PALLD: variants seen among roughly 807,000 people sequenced by gnomAD.
The protein encoded by PALLD is palladin.
A neutral mutation model predicts 123.5 loss-of-function variants in PALLD; 61 were observed. The observed-to-expected ratio is 0.49, with a 90% confidence interval of 0.40 to 0.61. The LOEUF (loss-of-function observed/expected upper bound fraction) is 0.61. Among genes scored for constraint, PALLD ranks in the 20% least tolerant of loss-of-function variants. The pLI is 0.00. For missense variants in PALLD, 1,273 were observed against 1,377.0 expected (o/e 0.92, Z 1.20); for synonymous variants, 465 against 496.4 (o/e 0.94, Z 0.84).
At chr4:168,919,855 T>C (rs2126434556) in intron 17 of PALLD, among the ~76,000 whole-genome samples, 1 of 152,304 alleles carries the variant, frequency 6.6e-6, no homozygotes, top group African/African-American at 2.4e-5. Context: ...CCTGAGATCA[T>C]GCTGTCTTTA....
chr4:168,790,799 A>G (rs1322869697), intron 10 of PALLD, among the ~76,000 whole-genome samples: 2 of 152,168 alleles, frequency 1.3e-5, no homozygotes, highest in African/African-American at 4.8e-5. Flanking sequence ...TTATTATCAG[A>G]TAAACTTTTG....
Position 168,926,882 on chromosome 4 carries a change from C to A in PALLD, c.*702C>A. On this transcript the variant is annotated 3_prime_UTR_variant, in exon 22 of 22. Coordinates refer to ENST00000505667, the MANE Select transcript of PALLD (RefSeq NM_001166108.2). ...AAAGAAGAAGAGATGACAAAGAAAT[C>A]CAAGTAAATGCCTTGTCTTTGCAAA... is the stretch of plus-strand genomic sequence containing the variant. 4.5e-6 allele frequency: 1 copy of A among 220,090 alleles called. No individual in the cohort carries two copies. Among genetic ancestry groups the A allele is most frequent in the Non-Finnish European group, 9.1e-6 (1 of 109,566 alleles). 13.6% of individuals were successfully genotyped at this position (220,090 alleles called of 1,614,324 possible).
At chr4:168,749,528 A>G (rs971953802) in intron 10 of PALLD, among the ~76,000 whole-genome samples, 17 of 152,136 alleles carry the variant, frequency 1.1e-4, no homozygotes, top group African/African-American at 4.1e-4. Context: ...CCAACATGGC[A>G]AAACCCCATC....
intron 3 of PALLD, among the ~76,000 whole-genome samples, chr4:168,670,338 C>T (rs187399129): frequency 6.6e-6 from 1 of 152,208 alleles, no homozygotes; most frequent in Admixed American, 6.5e-5. Context: ...TATTAAGATC[C>T]TACTAAGTGC....
In PALLD at chr4:168,508,646, C is replaced by A. The variant is rs1350662623; in HGVS notation, c.-82-2777C>A. ...CACAAAAACTGAATTTCTTTCAGGC[C>A]ATAATAAATAAATAAATAACAAATA... On this transcript the variant is annotated intron_variant, in intron 1 of 21. Coordinates refer to ENST00000505667, the MANE Select transcript of PALLD (RefSeq NM_001166108.2). Among the ~76,000 whole-genome samples the A allele has an allele frequency of 2.0e-5, 3 of 152,126 alleles. No homozygotes were observed. The East Asian group carries it at 5.8e-4, about 29-fold the overall frequency.
chr4:168,640,288 A>G (rs1279841771), intron 2 of PALLD, among the ~76,000 whole-genome samples: 1 of 152,150 alleles, frequency 6.6e-6, no homozygotes, highest in Admixed American at 6.5e-5. Flanking sequence ...GTTCCTGACT[A>G]CTACTCCAAT....
intron 15 of PALLD, among the ~76,000 whole-genome samples, chr4:168,907,708 C>G (rs1218634761): frequency 6.6e-6 from 1 of 152,156 alleles, no homozygotes; most frequent in African/African-American, 2.4e-5. Context: ...CTCTCTGGTT[C>G]TTTGCTCTAC....
At position 168,927,162 on chromosome 4, in the gene PALLD, T is replaced by C. The variant is rs1762673108; in HGVS notation, c.*982T>C. The C allele has an allele frequency of 4.4e-6, 1 of 229,344 alleles. No homozygotes were observed. 14.2% of individuals were successfully genotyped at this position (229,344 alleles called of 1,614,324 possible). A position where few individuals can be genotyped will look rare whatever the true frequency, so the allele number is the denominator to read the frequency against. On this transcript the variant is annotated 3_prime_UTR_variant, in exon 22 of 22. Transcript: ENST00000505667. Reference sequence around the variant, plus strand: ...ACAGAAAGCATCCAAACCACCCAAATGACCAAGGCATATATAGTATTTGGA... The same window carrying C: ...ACAGAAAGCATCCAAACCACCCAAACGACCAAGGCATATATAGTATTTGGA...
intron 10 of PALLD, among the ~76,000 whole-genome samples, chr4:168,761,641 G>GTTTTTTTTTTTTTTTTTTTTTTT (rs1230404942): frequency 3.4e-4 from 4 of 11,638 alleles, no homozygotes; most frequent in East Asian, 4.5e-3. Context: ...TGTTGTTGTT[G>GTTTTTTTTTTTTTTTTTTTTTTT]TTTGTTTTTT....
At chr4:168,926,111 G>C in intron 21 of PALLD, 102 bp from the exon 22 acceptor site, 2 of 952,266 alleles carry the variant, frequency 2.1e-6, no homozygotes, top group Non-Finnish European at 3.0e-6. Flanking sequence ...ATGTGTTCAG[G>C]TGCCTTGCAT....
At chr4:168,870,679 G>A (rs536027714) in intron 10 of PALLD, among the ~76,000 whole-genome samples, 4 of 152,106 alleles carry the variant, frequency 2.6e-5, no homozygotes, top group Non-Finnish European at 5.9e-5. Context: ...AAGAGGACAG[G>A]TCATAAAATC....
At chr4:168,699,068 A>G (rs1321579634) in intron 8 of PALLD, among the ~76,000 whole-genome samples, 3 of 152,076 alleles carry the variant, frequency 2.0e-5, no homozygotes, top group Non-Finnish European at 2.9e-5. Context: ...GACAATTTAA[A>G]AAAATCCTTT....
chr4:168,792,260 A>T (rs1467338179), intron 10 of PALLD, among the ~76,000 whole-genome samples: 1 of 152,106 alleles, frequency 6.6e-6, no homozygotes, highest in African/African-American at 2.4e-5. Flanking sequence ...CACGGAGCAG[A>T]GGCTGACTCC....
intron 10 of PALLD, among the ~76,000 whole-genome samples, chr4:168,860,575 C>T (rs1200073990): frequency 6.6e-6 from 1 of 152,166 alleles, no homozygotes; most frequent in Non-Finnish European, 1.5e-5. Context: ...TGTAATCCTG[C>T]ACTCTGGGAG....
chr4:168,801,599 C>T lies in PALLD; in HGVS notation c.1965-89323C>T, dbSNP rs186709726. Among the ~76,000 whole-genome samples, 27 of 152,214 alleles carry T rather than the reference C, an allele frequency of 1.8e-4. 1 individual carries two copies. The East Asian group carries it at 4.4e-3, about 25-fold the overall frequency. On this transcript the variant is annotated intron_variant, in intron 10 of 21. Coordinates refer to ENST00000505667, the MANE Select transcript of PALLD (RefSeq NM_001166108.2). ...AGCCTGTAAATATTTTTTTAAAAGA[C>T]GTGCAGATAGAAATTATCTTAAATA...
intron 3 of PALLD, among the ~76,000 whole-genome samples, chr4:168,677,736 A>G (rs1166969532): frequency 1.3e-5 from 2 of 151,984 alleles, no homozygotes; most frequent in African/African-American, 2.4e-5. Flanking sequence ...AGCTCCCTGC[A>G]TCTCCTCATC....
intron 10 of PALLD, among the ~76,000 whole-genome samples, chr4:168,857,319 T>A (rs1748748242): frequency 6.6e-6 from 1 of 152,262 alleles, no homozygotes; most frequent in African/African-American, 2.4e-5. Flanking sequence ...GATTTATTTA[T>A]AAATTATTTG....
chr4:168,925,200 T>A (rs1762333121), intron 20 of PALLD, 33 bp from the exon 21 acceptor site: 4 of 1,540,014 alleles, frequency 2.6e-6, no homozygotes, highest in Non-Finnish European at 3.5e-6. Context: ...GTCAAAAAAA[T>A]TCATATTGCT....
At chr4:168,631,647 C>T in intron 2 of PALLD, 2 of 985,552 alleles carry the variant, frequency 2.0e-6, no homozygotes, top group Non-Finnish European at 2.4e-6. Flanking sequence ...CGGCCTCTCA[C>T]CGAGCCTGAG....
Sources: allele counts gnomAD v4.1 joint callset (sites outside exome capture counted in the v4.1 genomes callset), GRCh38; gene constraint gnomAD v4.1.1; transcripts MANE v1.5; gene names NCBI Gene and HGNC (gene_info 2026-07-23, HGNC 2026-07-21).